Variants in MYT1L observed in about 807,000 individuals in gnomAD.
MYT1L encodes myelin transcription factor 1 like, also known as myelin transcription factor 1-like protein.
MYT1L carries 12 observed loss-of-function variants against 126.7 expected under a neutral mutation model. That is an observed-to-expected ratio of 0.09 (90% CI 0.06 to 0.15). The LOEUF is 0.15. Ranked by LOEUF, MYT1L falls within the 10% of genes least tolerant of loss-of-function variation. MYT1L has a pLI of 1.00. For missense variants in MYT1L, 979 were observed against 1,585.2 expected (o/e 0.62, Z 6.49); for synonymous variants, 541 against 604.2 (o/e 0.90, Z 1.53).
intron 22 of MYT1L, among the ~76,000 whole-genome samples, chr2:1,808,434 T>A (rs1220845219): frequency 6.6e-6 from 1 of 152,192 alleles, no homozygotes; most frequent in Non-Finnish European, 1.5e-5. Context: ...TGCCTGCGTC[T>A]ACAAATTAAT....
At position 1,793,955 on chromosome 2, in the gene MYT1L, C is replaced by A. The variant is rs559411497; in HGVS notation, c.3277-1491G>T. On this transcript the variant is annotated intron_variant, in intron 23 of 24. Coordinates refer to ENST00000647738, the MANE Select transcript of MYT1L (RefSeq NM_001303052.2). This position sits in a 1 kb window ranked among gnomAD's most constrained non-coding sequence, Gnocchi z 4.6. ...TTCTGTAGCCCTTCCTGGGTGGCCA[C>A]GTGCCTGCACTCACAGCTGGTGGCA... Among the ~76,000 whole-genome samples, 36 of 152,282 alleles carry A rather than the reference C, an allele frequency of 2.4e-4. No individual in the cohort carries two copies. In the South Asian group the frequency reaches 7.1e-3, roughly 30 times the overall value.
intron 2 of MYT1L, among the ~76,000 whole-genome samples, chr2:2,207,808 T>G (rs543512739): frequency 7.9e-5 from 12 of 152,284 alleles, no homozygotes; most frequent in Admixed American, 7.8e-4. Context: ...CACACTCATG[T>G]ATGGTTGGGT....
intron 2 of MYT1L, among the ~76,000 whole-genome samples, chr2:2,269,078 C>T (rs1260669869): frequency 6.6e-6 from 1 of 152,066 alleles, no homozygotes; most frequent in East Asian, 1.9e-4. Context: ...TGGGGTGCAC[C>T]CAGGCCTGGG....
At chr2:1,895,052 A>G (rs2049405865) in intron 14 of MYT1L, among the ~76,000 whole-genome samples, 1 of 152,204 alleles carries the variant, frequency 6.6e-6, no homozygotes. Flanking sequence ...CAGCATCTCT[A>G]TACACCAATA....
intron 4 of MYT1L, among the ~76,000 whole-genome samples, chr2:2,046,342 T>C (rs1482208202): frequency 2.0e-5 from 3 of 152,236 alleles, no homozygotes; most frequent in African/African-American, 2.4e-5. Flanking sequence ...TTATATAATC[T>C]CCTTCATTAA....
At chr2:1,906,727 T>C (rs951148885) in intron 13 of MYT1L, among the ~76,000 whole-genome samples, 4 of 152,198 alleles carry the variant, frequency 2.6e-5, no homozygotes, top group South Asian at 2.1e-4. Flanking sequence ...CTTGAGACAT[T>C]TTCCCAGATA....
intron 11 of MYT1L, among the ~76,000 whole-genome samples, chr2:1,913,723 C>T (rs1354437410): frequency 1.3e-5 from 2 of 152,168 alleles, no homozygotes; most frequent in East Asian, 3.9e-4. Flanking sequence ...GGGGGTCACT[C>T]TGACCTGAGG....
At chr2:2,301,600 A>G (rs1348261696) in intron 1 of MYT1L, among the ~76,000 whole-genome samples, 1 of 152,110 alleles carries the variant, frequency 6.6e-6, no homozygotes, top group Non-Finnish European at 1.5e-5. Context: ...AGGCTGAGGC[A>G]GTAGGATCAC....
chr2:2,267,563 G>T (rs562860718), intron 2 of MYT1L, among the ~76,000 whole-genome samples: 1 of 152,138 alleles, frequency 6.6e-6, no homozygotes, highest in Non-Finnish European at 1.5e-5. Context: ...GGAAGCAACA[G>T]GATTTCCTAA....
chr2:2,060,969 A>T (rs996957982), intron 3 of MYT1L, among the ~76,000 whole-genome samples: 1 of 151,800 alleles, frequency 6.6e-6, no homozygotes, highest in African/African-American at 2.4e-5. Context: ...ATAAATAGTG[A>T]TTTTTATTCT....
chr2:2,136,481 T>C lies in MYT1L; in HGVS notation c.-304+36391A>G, dbSNP rs1274666466. 2.6e-5 allele frequency among the ~76,000 whole-genome samples: 4 copies of C among 152,166 alleles called. No individual in the cohort carries two copies. The East Asian group carries it at 7.7e-4, about 29-fold the overall frequency. On this transcript the variant is annotated intron_variant, in intron 3 of 24. Coordinates refer to ENST00000647738, the MANE Select transcript of MYT1L (RefSeq NM_001303052.2). The stretch of plus-strand genomic sequence containing the variant: ...GGTAACAGTTTCTGAGAGATGTAGA[T>C]ATGAGAGATTATTTCTCTCCCTTCC...
chr2:1,826,066 G>A (rs1025173816), intron 21 of MYT1L: 1 of 152,314 alleles, frequency 6.6e-6, no homozygotes, highest in Non-Finnish European at 1.5e-5. Context: ...GCAAGCTCAG[G>A]AGCTGAGTTC....
At chr2:2,225,282 A>G (rs2093979400) in intron 2 of MYT1L, among the ~76,000 whole-genome samples, 1 of 152,080 alleles carries the variant, frequency 6.6e-6, no homozygotes, top group Non-Finnish European at 1.5e-5. Flanking sequence ...GGGGTTACCA[A>G]CCAGGGCAGG....
intron 1 of MYT1L, chr2:2,319,461 T>C (rs1224949354): frequency 2.6e-5 from 4 of 152,178 alleles, no homozygotes; most frequent in Non-Finnish European, 5.9e-5. Context: ...CCATGATGGA[T>C]GAGGGCTAAC....
chr2:2,281,967 G>A (rs566436771), intron 2 of MYT1L, among the ~76,000 whole-genome samples: 3 of 152,296 alleles, frequency 2.0e-5, no homozygotes, highest in East Asian at 1.9e-4. Flanking sequence ...GTGCACTCTG[G>A]CGTTTAGTAT....
rs945048286 is a variant in MYT1L, at chr2:2,103,995, T to C, written c.-303-49872A>G. On this transcript the variant is annotated intron_variant, in intron 3 of 24. Transcript: ENST00000647738. Reference sequence around the variant, plus strand: ...TGGACTCACCTCTGAGCCACCTTTCTCTATCAGGGGCTCTCAGTAGCATTT... The same window carrying C: ...TGGACTCACCTCTGAGCCACCTTTCCCTATCAGGGGCTCTCAGTAGCATTT... Among the ~76,000 whole-genome samples, 2 of 152,326 alleles carry C rather than the reference T, an allele frequency of 1.3e-5. 1 individual carries two copies. The highest frequency in any genetic ancestry group is 3.9e-4 in the East Asian group (2 of 5,186).
chr2:2,053,805 T>C (rs2069135092), intron 4 of MYT1L, among the ~76,000 whole-genome samples, 173 bp downstream of exon 4: 1 of 152,256 alleles, frequency 6.6e-6, no homozygotes, highest in Admixed American at 6.5e-5. Flanking sequence ...TCTGACTTTA[T>C]ATTGAATTGT....
rs559309716 is a variant in MYT1L at position 1,863,589 on chromosome 2, T to TC, written c.2712-11887dup. Among the ~76,000 whole-genome samples the TC allele has an allele frequency of 1.4e-4, 21 of 151,996 alleles. 1 individual carries two copies. In the East Asian group the frequency reaches 4.1e-3, roughly 30 times the overall value. On this transcript the variant is annotated intron_variant, in intron 18 of 24. Transcript: ENST00000647738. ...CCCCCGGAAGGATAGAAACGGCATG[T>TC]CCCACTCCAGGCCCAAACCCCGGAA...
At chr2:2,096,863 T>C (rs1045288163) in intron 3 of MYT1L, among the ~76,000 whole-genome samples, 1 of 152,306 alleles carries the variant, frequency 6.6e-6, no homozygotes, top group South Asian at 2.1e-4. Context: ...CCTTCTCCTT[T>C]TAGAGCCATT....
Sources: gnomAD v4.1 joint callset for allele counts (sites outside exome capture counted in the v4.1 genomes callset) on GRCh38, gnomAD v4.1.1 for gene constraint, Gnocchi (gnomAD v3.1) non-coding constraint, MANE v1.5 for transcripts, NCBI Gene and HGNC (gene_info 2026-07-23, HGNC 2026-07-21) for gene names.